MPPED2: variants seen among roughly 807,000 people sequenced by gnomAD.
MPPED2 encodes the protein metallophosphoesterase domain containing 2.
A neutral mutation model predicts 33.0 loss-of-function variants in MPPED2; 5 were observed. The ratio of observed to expected loss-of-function variants is 0.15; its 90% CI spans 0.08 to 0.32. The LOEUF is 0.32. Ranked by LOEUF, MPPED2 falls within the 10% of genes least tolerant of loss-of-function variation. The probability of loss-of-function intolerance (pLI) is 1.00; values close to 1 mark genes in which losing one functional copy is unlikely to be tolerated. For missense variants in MPPED2, 275 were observed against 372.1 expected, an observed-to-expected ratio of 0.74 and a Z score of 2.15; for synonymous variants, 136 against 141.9, an observed-to-expected ratio of 0.96 and a Z score of 0.29.
intron 4 of MPPED2, among the ~76,000 whole-genome samples, chr11:30,443,506 G>A (rs1008808506): frequency 2.6e-5 from 4 of 152,150 alleles, no homozygotes; most frequent in African/African-American, 9.7e-5. Flanking sequence ...GAGAGAAAGA[G>A]AGAAGACGGG....
At chr11:30,391,639 CATGTCATTTTGCTTCA>C (rs1405050941) in intron 6 of MPPED2, among the ~76,000 whole-genome samples, 1 of 152,160 alleles carries the variant, frequency 6.6e-6, no homozygotes, top group Non-Finnish European at 1.5e-5. Flanking sequence ...TCAATAAGAT[CATGTCATTTTGCTTCA>C]ATGTCTGGCA....
chr11:30,447,187 A>G (rs1329761785), intron 4 of MPPED2, among the ~76,000 whole-genome samples: 5 of 152,142 alleles, frequency 3.3e-5, no homozygotes, highest in Non-Finnish European at 5.9e-5. Context: ...TCTGTATGTG[A>G]CAGATTCCAC....
At chr11:30,535,176 CAA>C (rs1265844614) in intron 3 of MPPED2, among the ~76,000 whole-genome samples, 1 of 152,030 alleles carries the variant, frequency 6.6e-6, no homozygotes, top group Non-Finnish European at 1.5e-5. Context: ...TGATGGAAAA[CAA>C]AGTTGTAATG....
At chr11:30,562,970 C>T (rs373634644) in intron 2 of MPPED2, among the ~76,000 whole-genome samples, 1 of 152,046 alleles carries the variant, frequency 6.6e-6, no homozygotes, top group East Asian at 1.9e-4. Flanking sequence ...GACTGCTAAA[C>T]CAAATAAAAC....
intron 4 of MPPED2, among the ~76,000 whole-genome samples, chr11:30,428,406 GCTC>G (rs1400509586): frequency 1.3e-5 from 2 of 152,316 alleles, no homozygotes; most frequent in African/African-American, 4.8e-5. Flanking sequence ...AGGCATGGTG[GCTC>G]ATGATTGTAG....
downstream of MPPED2, among the ~76,000 whole-genome samples, chr11:30,384,316 C>G (rs1026785804): frequency 6.6e-5 from 10 of 152,026 alleles, no homozygotes; most frequent in Non-Finnish European, 1.5e-4. Flanking sequence ...TAAAGTATGA[C>G]AAAGCAGGTA....
At chr11:30,459,887 C>T (rs1248593949) in intron 4 of MPPED2, among the ~76,000 whole-genome samples, 1 of 152,148 alleles carries the variant, frequency 6.6e-6, no homozygotes, top group Non-Finnish European at 1.5e-5. Flanking sequence ...AACTGACACT[C>T]TTTTTTTCCA....
chr11:30,466,678 A>G lies in MPPED2; in HGVS notation c.536+28618T>C, dbSNP rs181973631. Among the ~76,000 whole-genome samples, 1,375 of 152,330 alleles carry G rather than the reference A, an allele frequency of 9.0e-3. 34 individuals are homozygous for G. The highest frequency in any genetic ancestry group is 0.029 in the African/African-American group (1,203 of 41,566). On this transcript the variant is annotated intron_variant, in intron 4 of 6. Coordinates refer to ENST00000358117, the MANE Select transcript of MPPED2 (RefSeq NM_001584.3). The stretch of plus-strand genomic sequence containing the variant: ...AGGGGCAGTGATGCAAATGAACCAA[A>G]GGTTAGACCAGAAACTGGGCTGATT...
Position 30,451,169 on chromosome 11 carries a change from G to C in MPPED2, c.537-33536C>G, listed in dbSNP as rs145037189. Among the ~76,000 whole-genome samples the C allele has an allele frequency of 2.6e-5, 4 of 152,300 alleles. No individual in the cohort carries two copies. The East Asian group carries it at 7.7e-4, about 29-fold the overall frequency. ...TTCTTTCTCTGTAAAGATGAGGATG[G>C]GGACTTTGACTACATGATCTATAAG... On this transcript the variant is annotated intron_variant, in intron 4 of 6. Coordinates refer to ENST00000358117, the MANE Select transcript of MPPED2 (RefSeq NM_001584.3).
chr11:30,434,242 C>A (rs910496458), intron 4 of MPPED2, among the ~76,000 whole-genome samples: 1 of 152,282 alleles, frequency 6.6e-6, no homozygotes, highest in Non-Finnish European at 1.5e-5. Context: ...TGCTGCCTAC[C>A]ACATTGGCAT....
At chr11:30,536,448 A>G (rs1325183362) in intron 2 of MPPED2, among the ~76,000 whole-genome samples, 1 of 152,180 alleles carries the variant, frequency 6.6e-6, no homozygotes, top group Non-Finnish European at 1.5e-5. Flanking sequence ...ATAACCCAGG[A>G]AACTGATAGA....
chr11:30,511,910 A>G lies in MPPED2; in HGVS notation c.311-16389T>C, dbSNP rs549141567. 5.9e-5 allele frequency among the ~76,000 whole-genome samples: 9 copies of G among 152,330 alleles called. No homozygotes were observed. The South Asian group carries it at 1.9e-3, about 32-fold the overall frequency. The stretch of plus-strand genomic sequence containing the variant: ...TAGCAAGATTGGGCTAAATGTGTGT[A>G]TACTCTGAACGTCAATTACTGTTGT... On this transcript the variant is annotated intron_variant, in intron 3 of 6. Transcript: ENST00000358117.
chr11:30,502,610 T>C (rs1212929731), intron 3 of MPPED2, among the ~76,000 whole-genome samples: 3 of 152,170 alleles, frequency 2.0e-5, no homozygotes, highest in Non-Finnish European at 4.4e-5. Flanking sequence ...TAAAAACTTG[T>C]TGCTACAATT....
intron 4 of MPPED2, among the ~76,000 whole-genome samples, chr11:30,425,049 T>G (rs572713549): frequency 6.6e-6 from 1 of 152,312 alleles, no homozygotes; most frequent in Non-Finnish European, 1.5e-5. Context: ...TAGCTTGGTC[T>G]TTCGTTATGA....
intron 3 of MPPED2, among the ~76,000 whole-genome samples, chr11:30,520,092 T>A (rs532481599): frequency 6.6e-5 from 10 of 152,126 alleles, no homozygotes; most frequent in Non-Finnish European, 1.3e-4. Context: ...ATAAGTGAGA[T>A]TCATAAAAAC....
At chr11:30,421,769 A>G (rs1948627681) in intron 4 of MPPED2, among the ~76,000 whole-genome samples, 2 of 152,180 alleles carry the variant, frequency 1.3e-5, no homozygotes, top group Non-Finnish European at 2.9e-5. Flanking sequence ...TCATATATGT[A>G]AAGTAAAAGT....
At chr11:30,435,653 C>T (rs1949290539) in intron 4 of MPPED2, among the ~76,000 whole-genome samples, 1 of 152,198 alleles carries the variant, frequency 6.6e-6, no homozygotes, top group African/African-American at 2.4e-5. Context: ...CCTGACCACC[C>T]ATCATTCACA....
At chr11:30,505,127 G>C (rs993135535) in intron 3 of MPPED2, among the ~76,000 whole-genome samples, 3 of 152,136 alleles carry the variant, frequency 2.0e-5, no homozygotes, top group African/African-American at 4.8e-5. Flanking sequence ...GGTAACAACT[G>C]ACAAGTGCAA....
downstream of MPPED2, among the ~76,000 whole-genome samples, chr11:30,407,022 G>A (rs192377108): frequency 1.5e-4 from 23 of 152,300 alleles, no homozygotes; most frequent in African/African-American, 5.5e-4. Flanking sequence ...GCATTATTCT[G>A]AGACACAGCA....
Sources: gnomAD v4.1 joint callset for allele counts (sites outside exome capture counted in the v4.1 genomes callset) on GRCh38, gnomAD v4.1.1 for gene constraint, MANE v1.5 for transcripts, NCBI Gene and HGNC (gene_info 2026-07-23, HGNC 2026-07-21) for gene names.